The following SHISA9 variants were observed in gnomAD, a reference collection of about 807,000 sequenced individuals.
The protein encoded by SHISA9 is protein shisa-9.
Under a neutral mutation model 38.0 loss-of-function variants are expected in SHISA9, and 13 were observed. The ratio of observed to expected loss-of-function variants is 0.34; its 90% CI spans 0.22 to 0.54. SHISA9 has a LOEUF of 0.54. Ranked by LOEUF, SHISA9 falls within the 20% of genes least tolerant of loss-of-function variation. The pLI is 0.91. For synonymous variants in SHISA9, 275 were observed against 242.0 expected (o/e 1.14, Z -1.27); for missense variants, 538 against 575.8 (o/e 0.93, Z 0.67).
chr16:13,530,628 G>C, the SHISA9 span, among the ~76,000 whole-genome samples: 1 of 151,918 alleles, frequency 6.6e-6, no homozygotes, highest in East Asian at 1.9e-4. Context: ...GGTTGACTGT[G>C]ACAACACCAC....
At chr16:13,303,370 G>T in the SHISA9 span, among the ~76,000 whole-genome samples, 1 of 152,112 alleles carries the variant, frequency 6.6e-6, no homozygotes, top group Non-Finnish European at 1.5e-5. Flanking sequence ...TAAATTGTGT[G>T]ATATAAAATA....
At chr16:13,441,482 T>C in the SHISA9 span, among the ~76,000 whole-genome samples, 6,840 of 152,242 alleles carry the variant, frequency 0.045, 193 homozygotes, top group Admixed American at 0.068. Flanking sequence ...TCCCTATCTA[T>C]GAGGAACATC....
intron 2 of SHISA9, among the ~76,000 whole-genome samples, chr16:13,041,369 C>G (rs941591747): frequency 1.3e-5 from 2 of 152,194 alleles, no homozygotes; most frequent in Non-Finnish European, 2.9e-5. Flanking sequence ...TGGGCTTGGC[C>G]TATCCCTGAC....
chr16:13,161,012 G>C (rs1169759325), intron 2 of SHISA9, among the ~76,000 whole-genome samples: 1 of 152,130 alleles, frequency 6.6e-6, no homozygotes, highest in Non-Finnish European at 1.5e-5. Context: ...AGTTAGGTTG[G>C]CATTTGAACC....
rs2051028138 is a variant in SHISA9, at chr16:13,203,564, A to T, written c.847+15A>T. On this transcript the variant is annotated intron_variant, in intron 3 of 4. Transcript: ENST00000558583. ...AAAGGCAGTCGGTAAGTGCCACCTG[A>T]TGGATCTTTTTCTCTTTCTCCTCTT... 6.7e-7 allele frequency: 1 copy of T among 1,484,344 alleles called. No homozygotes were observed. The highest frequency in any genetic ancestry group is 9.0e-7 in the Non-Finnish European group (1 of 1,115,056). 91.9% of individuals were successfully genotyped at this position (1,484,344 alleles called of 1,614,324 possible). A position where few individuals can be genotyped will look rare whatever the true frequency, so the allele number is the denominator to read the frequency against.
intron 2 of SHISA9, among the ~76,000 whole-genome samples, chr16:13,081,851 CAAA>C (rs35913412): frequency 5.8e-5 from 5 of 86,010 alleles, no homozygotes; most frequent in Admixed American, 1.3e-4. Context: ...GACTCCATCT[CAAA>C]AAAAAAAAAA....
At chr16:12,996,669 C>T (rs1180840803) in intron 2 of SHISA9, among the ~76,000 whole-genome samples, 1 of 152,128 alleles carries the variant, frequency 6.6e-6, no homozygotes, top group Non-Finnish European at 1.5e-5. Context: ...TATGGGTCCT[C>T]AGGGTCTTTG....
At chr16:13,036,844 CAGTA>C (rs2073072521) in intron 2 of SHISA9, among the ~76,000 whole-genome samples, 1 of 151,918 alleles carries the variant, frequency 6.6e-6, no homozygotes, top group Admixed American at 6.6e-5. Flanking sequence ...AATCTGGCAA[CAGTA>C]AGCGCTCACT....
chr16:13,359,630 C>G, the SHISA9 span, among the ~76,000 whole-genome samples: 2 of 152,064 alleles, frequency 1.3e-5, no homozygotes, highest in East Asian at 1.9e-4. Context: ...ATACTTTTAC[C>G]TCTCTGAGAC....
the SHISA9 span, among the ~76,000 whole-genome samples, chr16:13,469,420 A>AGAAAGAAAGAAG: frequency 9.6e-5 from 11 of 114,232 alleles, no homozygotes; most frequent in Admixed American, 4.7e-4. Context: ...AAAGAAAGAA[A>AGAAAGAAAGAAG]GAAAAAGAAA....
the SHISA9 span, among the ~76,000 whole-genome samples, chr16:13,432,945 A>T: frequency 6.6e-6 from 1 of 152,188 alleles, no homozygotes. Flanking sequence ...GGAGAGGATC[A>T]GGAAAAATAA....
At chr16:13,277,713 T>C in the SHISA9 span, among the ~76,000 whole-genome samples, 1 of 151,992 alleles carries the variant, frequency 6.6e-6, no homozygotes, top group African/African-American at 2.4e-5. Flanking sequence ...CTTGATTTGA[T>C]TCTCCACTTG....
At chr16:13,023,813 G>A (rs2072887465) in intron 2 of SHISA9, among the ~76,000 whole-genome samples, 1 of 152,152 alleles carries the variant, frequency 6.6e-6, no homozygotes, top group Non-Finnish European at 1.5e-5. Context: ...CTCCATAGAT[G>A]AAAGACCTCT....
the SHISA9 span, among the ~76,000 whole-genome samples, chr16:13,472,867 A>G: frequency 3.9e-5 from 6 of 152,076 alleles, no homozygotes; most frequent in African/African-American, 1.4e-4. Context: ...TCTTTTTACT[A>G]TTTCCCACGT....
intron 2 of SHISA9, among the ~76,000 whole-genome samples, chr16:13,069,178 A>G (rs1024834379): frequency 3.5e-4 from 50 of 140,948 alleles, no homozygotes; most frequent in Admixed American, 1.4e-4. Flanking sequence ...TGTACATGCA[A>G]TGTGTATATG....
intron 3 of SHISA9, among the ~76,000 whole-genome samples, chr16:13,210,261 C>A (rs953814815): frequency 6.6e-6 from 1 of 152,058 alleles, no homozygotes; most frequent in Admixed American, 6.6e-5. Context: ...TTTCATTAGC[C>A]CCTTGTCCAG....
chr16:13,089,769 T>C (rs2073753949), intron 2 of SHISA9, among the ~76,000 whole-genome samples: 2 of 152,174 alleles, frequency 1.3e-5, no homozygotes, highest in African/African-American at 2.4e-5. Context: ...GATTCATTGA[T>C]TTTTTGAAGT....
chr16:13,141,366 A>G (rs1459060887), intron 2 of SHISA9, among the ~76,000 whole-genome samples: 4 of 152,026 alleles, frequency 2.6e-5, no homozygotes, highest in Admixed American at 1.3e-4. Flanking sequence ...GAAATCACTT[A>G]TCATCTTTTG....
intron 4 of SHISA9, among the ~76,000 whole-genome samples, chr16:13,227,815 C>T (rs1270358702): frequency 2.0e-5 from 3 of 152,094 alleles, no homozygotes; most frequent in East Asian, 3.9e-4. Context: ...AAACTAGGCA[C>T]TCAACAAACA....
Sources: allele counts gnomAD v4.1 joint callset (sites outside exome capture counted in the v4.1 genomes callset), GRCh38; gene constraint gnomAD v4.1.1; transcripts MANE v1.5; gene names NCBI Gene and HGNC (gene_info 2026-07-23, HGNC 2026-07-21).